NXPE2: variants seen among roughly 807,000 people sequenced by gnomAD.
The protein encoded by NXPE2 is neurexophilin and PC-esterase domain family member 2.
Under a neutral mutation model 34.4 loss-of-function variants are expected in NXPE2, and 34 were observed. The observed-to-expected ratio is 0.99, with a 90% CI of 0.75 to 1.31. NXPE2 has a LOEUF of 1.31. Among genes scored for constraint, NXPE2 ranks in the 40% most tolerant of loss-of-function variants. The probability of loss-of-function intolerance (pLI) is 0.00; values close to 1 mark genes in which losing one functional copy is unlikely to be tolerated. For missense variants in NXPE2, 649 were observed against 672.5 expected (o/e 0.97, Z 0.39); for synonymous variants, 235 against 231.3 (o/e 1.02, Z -0.15).
chr11:114,764,244 G>A, the NXPE2 span, among the ~76,000 whole-genome samples: 11 of 152,156 alleles, frequency 7.2e-5, no homozygotes, highest in Non-Finnish European at 1.6e-4. Context: ...TTTAAGGACA[G>A]TTGGGAATAT....
the NXPE2 span, among the ~76,000 whole-genome samples, chr11:114,546,615 G>A: frequency 2.6e-5 from 4 of 151,836 alleles, no homozygotes; most frequent in South Asian, 2.1e-4. Context: ...ATTTCTGAGC[G>A]CTGTCTTCTG....
At position 114,679,560 on chromosome 11, in the gene NXPE2, C is replaced by A. The variant is rs1188690923; in HGVS notation, c.27-97C>A. ...TTTTGGAAAACCCAGGATAACATCA[C>A]CTTGTTCTGGAAATTACTGAAGAGG... On this transcript the variant is annotated intron_variant, in intron 1 of 5. Transcript: ENST00000389586. 6.1e-6 allele frequency: 4 copies of A among 652,092 alleles called. No homozygotes were observed. The East Asian group carries it at 1.1e-4, about 19-fold the overall frequency. 40.4% of individuals were successfully genotyped at this position (652,092 alleles called of 1,614,324 possible).
the NXPE2 span, among the ~76,000 whole-genome samples, chr11:114,548,682 G>A: frequency 3.2e-3 from 493 of 152,050 alleles, 1 homozygote; most frequent in African/African-American, 0.011. Flanking sequence ...TAAGTTTATA[G>A]CATTAAGTAC....
At chr11:114,770,610 G>C in the NXPE2 span, among the ~76,000 whole-genome samples, 1 of 152,180 alleles carries the variant, frequency 6.6e-6, no homozygotes, top group East Asian at 1.9e-4. Flanking sequence ...TTGGATTTAG[G>C]GGAAAGATGA....
At chr11:114,467,663 A>G in the NXPE2 span, among the ~76,000 whole-genome samples, 692 of 152,068 alleles carry the variant, frequency 4.6e-3, 7 homozygotes, top group African/African-American at 0.015. Flanking sequence ...CGGCGGGTGC[A>G]GTGGCTCATG....
At chr11:114,467,656 C>T in the NXPE2 span, among the ~76,000 whole-genome samples, 8 of 151,960 alleles carry the variant, frequency 5.3e-5, no homozygotes, top group African/African-American at 1.7e-4. Context: ...AAACTATCGG[C>T]GGGTGCAGTG....
At chr11:114,487,735 G>C in the NXPE2 span, among the ~76,000 whole-genome samples, 1 of 152,086 alleles carries the variant, frequency 6.6e-6, no homozygotes, top group South Asian at 2.1e-4. Flanking sequence ...AAGGGATGTT[G>C]AATTTTATCA....
At chr11:114,663,319 C>T in the NXPE2 span, among the ~76,000 whole-genome samples, 7 of 152,280 alleles carry the variant, frequency 4.6e-5, no homozygotes, top group Non-Finnish European at 7.4e-5. Flanking sequence ...AATGCTCTGC[C>T]TAGGCTGCTC....
chr11:114,716,572 A>T, the NXPE2 span, among the ~76,000 whole-genome samples: 2 of 152,186 alleles, frequency 1.3e-5, no homozygotes, highest in Non-Finnish European at 2.9e-5. Context: ...GCCAGTTTTC[A>T]AATATTTGGT....
the NXPE2 span, among the ~76,000 whole-genome samples, chr11:114,543,029 A>T: frequency 2.0e-5 from 3 of 152,060 alleles, no homozygotes; most frequent in Admixed American, 6.6e-5. Context: ...TTGAGGCAGG[A>T]GGATCACTTG....
Position 114,698,111 on chromosome 11 carries a change from T to A in NXPE2, c.199T>A (p.Ser67Thr). 6.2e-7 allele frequency: 1 copy of A among 1,612,628 alleles called. No homozygotes were observed. Among genetic ancestry groups the A allele is most frequent in the African/African-American group, 1.3e-5 (1 of 75,014 alleles). ...QGNIFKKYSH[S>T]ETPLCPAVSP... The stretch of plus-strand genomic sequence containing the variant: ...GAACATCTTCAAAAAATATTCACAC[T>A]CTGAAACACCACTGTGTCCAGCAGT... The change falls in exon 3 of 6, where the codon TCT becomes ACT. Residue 67 changes from serine (S) to threonine (T), a missense_variant. Physicochemically the swap from Ser to Thr is moderately conservative, Grantham distance 58 (BLOSUM62 1). Coordinates refer to ENST00000389586, the MANE Select transcript of NXPE2 (RefSeq NM_182495.6).
At chr11:114,786,699 C>A in the NXPE2 span, among the ~76,000 whole-genome samples, 1 of 152,150 alleles carries the variant, frequency 6.6e-6, no homozygotes, top group Non-Finnish European at 1.5e-5. Flanking sequence ...ACACCCATAT[C>A]ATTGTTTCTA....
the NXPE2 span, chr11:114,580,152 T>C: frequency 3.1e-6 from 5 of 1,613,916 alleles, no homozygotes; most frequent in Non-Finnish European, 4.2e-6. Context: ...GGCTTTGAAG[T>C]ATTCCATCCA....
At chr11:114,701,117 G>A (rs1266850692) in intron 3 of NXPE2, among the ~76,000 whole-genome samples, 2 of 152,154 alleles carry the variant, frequency 1.3e-5, no homozygotes, top group Non-Finnish European at 2.9e-5. Context: ...TCAGCTAAAA[G>A]AAGCTGGGAT....
the NXPE2 span, among the ~76,000 whole-genome samples, chr11:114,640,856 C>T: frequency 3.9e-5 from 6 of 151,934 alleles, no homozygotes; most frequent in Non-Finnish European, 8.8e-5. Context: ...GGATATTAGT[C>T]ATTTGTCAAA....
At chr11:114,537,487 G>C in the NXPE2 span, among the ~76,000 whole-genome samples, 900 of 152,190 alleles carry the variant, frequency 5.9e-3, 7 homozygotes, top group Middle Eastern at 0.017. Context: ...GAGGAAGTCA[G>C]ATTGTCCCTG....
chr11:114,591,687 A>G, the NXPE2 span, among the ~76,000 whole-genome samples: 6 of 152,148 alleles, frequency 3.9e-5, no homozygotes, highest in Non-Finnish European at 5.9e-5. Context: ...CAGCCAATGG[A>G]AAGTCCTTAA....
chr11:114,749,860 T>G, the NXPE2 span, among the ~76,000 whole-genome samples: 1 of 152,140 alleles, frequency 6.6e-6, no homozygotes, highest in Non-Finnish European at 1.5e-5. Flanking sequence ...CTGCTCAAGC[T>G]TTGCCACCCT....
At chr11:114,475,968 C>T in the NXPE2 span, among the ~76,000 whole-genome samples, 1,511 of 152,276 alleles carry the variant, frequency 9.9e-3, 30 homozygotes, top group African/African-American at 0.034. Flanking sequence ...GGTCACTGAT[C>T]GTGATGCCCA....
Sources: gnomAD v4.1 joint callset for allele counts (sites outside exome capture counted in the v4.1 genomes callset) on GRCh38, gnomAD v4.1.1 for gene constraint, MANE v1.5 for transcripts, NCBI Gene and HGNC (gene_info 2026-07-23, HGNC 2026-07-21) for gene names.